The following ASTN2 variants were observed in gnomAD, a reference collection of about 807,000 sequenced individuals.
The protein encoded by ASTN2 is astrotactin 2.
ASTN2 carries 54 observed loss-of-function variants against 139.8 expected under a neutral mutation model. That is an observed-to-expected ratio of 0.39 (90% confidence interval 0.31 to 0.48). The LOEUF is 0.48. Ranked by LOEUF, ASTN2 falls within the 20% of genes least tolerant of loss-of-function variation. The pLI is 0.95. For missense variants in ASTN2, 1,565 were observed against 1,725.1 expected, an observed-to-expected ratio of 0.91 and a Z score of 1.64; for synonymous variants, 756 against 719.5, an observed-to-expected ratio of 1.05 and a Z score of -0.81.
chr9:117,052,343 G>A (rs1292456878), intron 5 of ASTN2, among the ~76,000 whole-genome samples: 3 of 151,532 alleles, frequency 2.0e-5, no homozygotes, highest in Admixed American at 2.0e-4. Context: ...AGGAGCCTGA[G>A]GCAGGAGAAT....
At chr9:116,486,739 A>T (rs1447464322) in intron 20 of ASTN2, among the ~76,000 whole-genome samples, 11 of 152,136 alleles carry the variant, frequency 7.2e-5, no homozygotes. Context: ...AAAAGTAACA[A>T]ATGAGCTCCT....
At chr9:116,506,547 A>G (rs1181068327) in intron 19 of ASTN2, among the ~76,000 whole-genome samples, 1 of 152,178 alleles carries the variant, frequency 6.6e-6, no homozygotes, top group Non-Finnish European at 1.5e-5. Context: ...CTAGAGTCCC[A>G]TGAACAAACT....
intron 1 of ASTN2, among the ~76,000 whole-genome samples, chr9:117,405,310 C>T (rs1588018332): frequency 6.6e-6 from 1 of 152,214 alleles, no homozygotes; most frequent in Admixed American, 6.5e-5. Flanking sequence ...CTGAGCTTAG[C>T]TGTATAATAG....
intron 1 of ASTN2, among the ~76,000 whole-genome samples, chr9:117,334,778 G>C (rs1828825146): frequency 6.6e-6 from 1 of 152,156 alleles, no homozygotes; most frequent in African/African-American, 2.4e-5. Context: ...TTCAGACCAG[G>C]CATGGAGGCT....
intron 1 of ASTN2, among the ~76,000 whole-genome samples, chr9:117,387,969 T>C (rs974134699): frequency 3.9e-5 from 6 of 152,164 alleles, no homozygotes; most frequent in Non-Finnish European, 5.9e-5. Flanking sequence ...GGTATCTCAC[T>C]GTACTTCACA....
chr9:116,747,026 C>T (rs964530360), intron 13 of ASTN2, among the ~76,000 whole-genome samples: 2 of 152,212 alleles, frequency 1.3e-5, no homozygotes, highest in Non-Finnish European at 2.9e-5. Flanking sequence ...GGCCTAGTCA[C>T]TGCCTTATTC....
chr9:116,813,939 G>C lies in ASTN2; in HGVS notation c.2207+6678C>G, dbSNP rs563272881. 5.3e-5 allele frequency among the ~76,000 whole-genome samples: 8 copies of C among 151,888 alleles called. No homozygotes were observed. The South Asian group carries it at 1.7e-3, about 32-fold the overall frequency. On this transcript the variant is annotated intron_variant, in intron 12 of 22. Coordinates refer to ENST00000313400, the MANE Select transcript of ASTN2 (RefSeq NM_001365068.1). ...TAATCCCAGCTACCTGCAAGGCTGA[G>C]GCAGGAGAATTGTTTGAACCCGGGA...
chr9:116,968,929 G>T (rs1353210384), intron 10 of ASTN2, among the ~76,000 whole-genome samples: 3 of 150,840 alleles, frequency 2.0e-5, no homozygotes, highest in Non-Finnish European at 4.4e-5. Flanking sequence ...TCCTCCTTAG[G>T]CATGCCACAC....
intron 16 of ASTN2, among the ~76,000 whole-genome samples, chr9:116,656,778 C>T (rs1858242895): frequency 6.6e-6 from 1 of 151,742 alleles, no homozygotes; most frequent in African/African-American, 2.4e-5. Context: ...GCACCGCTTG[C>T]CCTCATCCAG....
chr9:116,519,765 T>A (rs1436322452), intron 19 of ASTN2, among the ~76,000 whole-genome samples: 1 of 152,000 alleles, frequency 6.6e-6, no homozygotes, highest in Non-Finnish European at 1.5e-5. Context: ...TTAGTGAGAT[T>A]AACCAAGAAA....
intron 17 of ASTN2, 81 bp from the exon 18 acceptor site, chr9:116,620,524 T>G: frequency 6.4e-7 from 1 of 1,563,684 alleles, no homozygotes; most frequent in Non-Finnish European, 8.8e-7. Flanking sequence ...GGCCATGATG[T>G]GAGCCATCGA....
chr9:116,610,254 C>A (rs1257143180), intron 19 of ASTN2, among the ~76,000 whole-genome samples: 1 of 152,134 alleles, frequency 6.6e-6, no homozygotes, highest in Non-Finnish European at 1.5e-5. Context: ...AAAATAAGAT[C>A]CAACTATATA....
chr9:116,452,777 A>C (rs779450349), intron 20 of ASTN2, among the ~76,000 whole-genome samples: 3 of 152,200 alleles, frequency 2.0e-5, no homozygotes, highest in Non-Finnish European at 4.4e-5. Flanking sequence ...ATTGGTCCCA[A>C]GTGGGTCTTG....
intron 3 of ASTN2, among the ~76,000 whole-genome samples, chr9:117,177,787 C>A (rs1459225929): frequency 6.6e-6 from 1 of 152,144 alleles, no homozygotes; most frequent in African/African-American, 2.4e-5. Context: ...TATGCAGCAA[C>A]CTGCGACCTG....
At chr9:116,440,319 C>T (rs1337589614) in intron 22 of ASTN2, among the ~76,000 whole-genome samples, 6 of 152,098 alleles carry the variant, frequency 3.9e-5, no homozygotes, top group Non-Finnish European at 8.8e-5. Context: ...TTCAAAGAGC[C>T]TAAGTTTCCT....
intron 10 of ASTN2, among the ~76,000 whole-genome samples, chr9:116,937,482 T>C (rs545352356): frequency 6.6e-6 from 1 of 152,230 alleles, no homozygotes; most frequent in Non-Finnish European, 1.5e-5. Flanking sequence ...TAAACCTTTA[T>C]TTACTGGCAC....
intron 4 of ASTN2, 32 bp downstream of exon 4, chr9:117,141,294 A>G: frequency 7.3e-7 from 1 of 1,363,184 alleles, no homozygotes; most frequent in South Asian, 1.1e-5. Flanking sequence ...CAACCTTCTG[A>G]CTTCCTGGCC....
intron 1 of ASTN2, among the ~76,000 whole-genome samples, chr9:117,298,223 C>T (rs1834783284): frequency 6.6e-6 from 1 of 152,244 alleles, no homozygotes; most frequent in Non-Finnish European, 1.5e-5. Context: ...TGATCTCTTC[C>T]TATGCCTTTC....
chr9:116,952,918 C>CA (rs774429094), intron 10 of ASTN2, among the ~76,000 whole-genome samples: 28 of 152,182 alleles, frequency 1.8e-4, no homozygotes, highest in Non-Finnish European at 2.4e-4. Flanking sequence ...TGTAGCCTAA[C>CA]AAAATGTGAA....
Sources: allele counts gnomAD v4.1 joint callset (sites outside exome capture counted in the v4.1 genomes callset), GRCh38; gene constraint gnomAD v4.1.1; transcripts MANE v1.5; gene names NCBI Gene and HGNC (gene_info 2026-07-23, HGNC 2026-07-21).